Variants in SRBD1 observed in about 807,000 individuals in gnomAD.
SRBD1 encodes the protein S1 RNA-binding domain-containing protein 1.
SRBD1 carries 88 observed loss-of-function variants against 115.3 expected under a neutral mutation model. The ratio of observed to expected loss-of-function variants is 0.76; its 90% CI spans 0.64 to 0.91. The LOEUF is 0.91. Ranked by LOEUF, SRBD1 falls within the 40% of genes least tolerant of loss-of-function variation. The probability of loss-of-function intolerance (pLI) is 0.00; values close to 1 mark genes in which losing one functional copy is unlikely to be tolerated. For synonymous variants in SRBD1, 509 were observed against 407.7 expected (o/e 1.25, Z -2.99); for missense variants, 1,385 against 1,177.4 (o/e 1.18, Z -2.58).
At chr2:45,463,885 T>A (rs573147460) in intron 16 of SRBD1, among the ~76,000 whole-genome samples, 1 of 152,116 alleles carries the variant, frequency 6.6e-6, no homozygotes, top group East Asian at 1.9e-4. Flanking sequence ...AAAGATAAAA[T>A]TACTAAGAAC....
chr2:45,436,241 GAACA>G (rs1668493969), intron 16 of SRBD1, among the ~76,000 whole-genome samples: 1 of 151,890 alleles, frequency 6.6e-6, no homozygotes, highest in Non-Finnish European at 1.5e-5. Flanking sequence ...AATAAACTAA[GAACA>G]AACGGGAAAC....
At chr2:45,593,731 T>C (rs923683933) in intron 4 of SRBD1, among the ~76,000 whole-genome samples, 10 of 152,172 alleles carry the variant, frequency 6.6e-5, no homozygotes, top group African/African-American at 2.4e-4. Flanking sequence ...CCACCTCCCC[T>C]CTGAAAAGCT....
chr2:45,419,931 G>A (rs1163826023), intron 16 of SRBD1, 37 bp from the exon 17 acceptor site: 1 of 1,566,288 alleles, frequency 6.4e-7, no homozygotes, highest in Non-Finnish European at 8.8e-7. Context: ...CAGTGAAGGA[G>A]ATGTAGTTCT....
intron 20 of SRBD1, among the ~76,000 whole-genome samples, chr2:45,390,951 A>G (rs1666980212): frequency 6.6e-6 from 1 of 152,216 alleles, no homozygotes; most frequent in Non-Finnish European, 1.5e-5. Flanking sequence ...CTGTAATGTA[A>G]TATTACACCA....
At chr2:45,602,735 A>C (rs1395672367) in intron 2 of SRBD1, among the ~76,000 whole-genome samples, 1 of 151,996 alleles carries the variant, frequency 6.6e-6, no homozygotes, top group Non-Finnish European at 1.5e-5. Context: ...CTTTTAAAGG[A>C]CCATCATGCT....
intron 19 of SRBD1, among the ~76,000 whole-genome samples, chr2:45,398,097 G>C (rs763648023): frequency 2.2e-4 from 33 of 152,102 alleles, no homozygotes; most frequent in Non-Finnish European, 4.1e-4. Context: ...GCATTTCTTA[G>C]CATAATAATC....
chr2:45,493,061 T>C lies in SRBD1; in HGVS notation c.1875-4730A>G, dbSNP rs951389806. Among the ~76,000 whole-genome samples the C allele has an allele frequency of 2.6e-5, 4 of 152,338 alleles. No homozygotes were observed. The East Asian group carries it at 7.7e-4, about 29-fold the overall frequency. ...CTTCAGGCTCTACAAATATCTAGCA[T>C]CTTCCCCTTTTCCTTCCTTCTGCCT... On this transcript the variant is annotated intron_variant, in intron 14 of 20. Transcript: ENST00000263736.
intron 18 of SRBD1, among the ~76,000 whole-genome samples, chr2:45,416,070 C>T (rs1667823696): frequency 6.6e-6 from 1 of 151,790 alleles, no homozygotes; most frequent in South Asian, 2.1e-4. Context: ...ACTGATAAAT[C>T]TAATAAATAG....
chr2:45,575,894 G>T (rs1673160305), intron 7 of SRBD1, among the ~76,000 whole-genome samples: 1 of 152,100 alleles, frequency 6.6e-6, no homozygotes, highest in African/African-American at 2.4e-5. Context: ...AGTAGTGACG[G>T]GCTTTCACTG....
At chr2:45,551,507 A>G (rs1177418477) in intron 11 of SRBD1, among the ~76,000 whole-genome samples, 2 of 152,238 alleles carry the variant, frequency 1.3e-5, no homozygotes, top group African/African-American at 4.8e-5. Flanking sequence ...TATCATACCT[A>G]CATTACCTCT....
At chr2:45,403,765 G>A (rs1012324029) in intron 19 of SRBD1, among the ~76,000 whole-genome samples, 2 of 151,814 alleles carry the variant, frequency 1.3e-5, no homozygotes, top group Admixed American at 6.6e-5. Context: ...GTAACCAAGG[G>A]GTACATCAAA....
chr2:45,481,823 T>G (rs1669975401), intron 15 of SRBD1, among the ~76,000 whole-genome samples: 1 of 152,198 alleles, frequency 6.6e-6, no homozygotes, highest in Admixed American at 6.6e-5. Flanking sequence ...TGGTTGAATC[T>G]TGAAAACATT....
intron 20 of SRBD1, among the ~76,000 whole-genome samples, chr2:45,392,722 C>T (rs781357187): frequency 6.6e-6 from 1 of 152,174 alleles, no homozygotes; most frequent in African/African-American, 2.4e-5. Context: ...ATGGGAAATA[C>T]ACAGTGAACA....
chr2:45,467,541 G>C (rs1669526950), intron 16 of SRBD1, among the ~76,000 whole-genome samples: 1 of 152,074 alleles, frequency 6.6e-6, no homozygotes, highest in Non-Finnish European at 1.5e-5. Context: ...TTTGTCGTAG[G>C]CCACATCTGT....
At chr2:45,405,598 A>C (rs1667411346) in intron 19 of SRBD1, among the ~76,000 whole-genome samples, 1 of 152,166 alleles carries the variant, frequency 6.6e-6, no homozygotes, top group Admixed American at 6.6e-5. Flanking sequence ...GAATCATCCA[A>C]GGAAGCAAGT....
intron 16 of SRBD1, 46 bp from the exon 17 acceptor site, chr2:45,419,940 C>G: frequency 6.5e-7 from 1 of 1,528,516 alleles, no homozygotes; most frequent in Non-Finnish European, 9.0e-7. Context: ...AGATGTAGTT[C>G]TTGGACTATT....
chr2:45,546,672 A>C, intron 14 of SRBD1, 60 bp downstream of exon 14: 2 of 1,522,834 alleles, frequency 1.3e-6, no homozygotes, highest in Non-Finnish European at 1.8e-6. Flanking sequence ...GATTCATCAC[A>C]AAAGCAACTT....
Position 45,599,728 on chromosome 2 carries a change from C to G in SRBD1, c.369G>C (p.Gln123His), listed in dbSNP as rs903142499. 2 of 1,614,076 alleles carry G rather than the reference C, an allele frequency of 1.2e-6. No individual in the cohort carries two copies. Among genetic ancestry groups the G allele is most frequent in the African/African-American group, 2.7e-5 (2 of 74,928 alleles). Residue 123 changes from glutamine to histidine, a missense_variant, in exon 4 of 21, where the codon CAG (glutamine) becomes CAC (histidine). Transcript: ENST00000263736. The part of the protein sequence containing the change: ...TAKTKQKCAA[Q>H]PHTVRRTKKL... ...TTTTAGTCCTTCGAACTGTATGTGGCTGCGCTGCACATTTCTGTTTTGTCT... is the reference window on the plus strand; with the variant it reads ...TTTTAGTCCTTCGAACTGTATGTGGGTGCGCTGCACATTTCTGTTTTGTCT...
chr2:45,519,085 T>C (rs946317296), intron 14 of SRBD1, among the ~76,000 whole-genome samples: 10 of 151,802 alleles, frequency 6.6e-5, no homozygotes, highest in African/African-American at 2.2e-4. Context: ...AAAGCTATTC[T>C]AGGAGTGACT....
Sources: gnomAD v4.1 joint callset for allele counts (sites outside exome capture counted in the v4.1 genomes callset) on GRCh38, gnomAD v4.1.1 for gene constraint, MANE v1.5 for transcripts, NCBI Gene and HGNC (gene_info 2026-07-23, HGNC 2026-07-21) for gene names.